PALM2AKAP2: variants seen among roughly 807,000 people sequenced by gnomAD.
PALM2AKAP2 encodes the protein PALM2 and AKAP2 fusion.
In PALM2AKAP2, 37 loss-of-function variants were observed where a neutral mutation model predicts 71.5. The observed-to-expected ratio is 0.52, with a 90% CI of 0.40 to 0.68. The LOEUF (loss-of-function observed/expected upper bound fraction) is 0.68, where lower values mean the gene tolerates loss of function less well. Among genes scored for constraint, PALM2AKAP2 ranks in the 30% least tolerant of loss-of-function variants. PALM2AKAP2 has a pLI of 0.00. For synonymous variants in PALM2AKAP2, 468 were observed against 478.8 expected, an observed-to-expected ratio of 0.98 and a Z score of 0.29; for missense variants, 1,224 against 1,191.8, an observed-to-expected ratio of 1.03 and a Z score of -0.40.
chr9:109,834,077 G>A (rs1204585047), intron 1 of PALM2AKAP2, among the ~76,000 whole-genome samples: 2 of 152,200 alleles, frequency 1.3e-5, no homozygotes, highest in Non-Finnish European at 2.9e-5. Context: ...GCAGGACATA[G>A]TGGCATGCAC....
At chr9:110,164,528 C>CTT (rs35588802) in intron 3 of PALM2AKAP2, among the ~76,000 whole-genome samples, 46 of 129,302 alleles carry the variant, frequency 3.6e-4, no homozygotes, top group African/African-American at 9.0e-4. Flanking sequence ...ATTTAGTTTA[C>CTT]TTTTTTTTTT....
At chr9:109,971,424 C>A (rs559694763) in intron 6 of PALM2AKAP2, among the ~76,000 whole-genome samples, 1 of 150,502 alleles carries the variant, frequency 6.6e-6, no homozygotes, top group South Asian at 2.1e-4. Context: ...TCAAGAAAGA[C>A]TTGAATTGCC....
intron 1 of PALM2AKAP2, among the ~76,000 whole-genome samples, chr9:109,838,231 A>G (rs1256421817): frequency 6.6e-6 from 1 of 152,234 alleles, no homozygotes; most frequent in Non-Finnish European, 1.5e-5. Context: ...ACTCACTCAA[A>G]ACTGCACAAC....
At chr9:109,703,984 T>A (rs993122659) in intron 1 of PALM2AKAP2, among the ~76,000 whole-genome samples, 1 of 152,198 alleles carries the variant, frequency 6.6e-6, no homozygotes, top group Non-Finnish European at 1.5e-5. Flanking sequence ...CAGTCCACAC[T>A]GGTCACTTTT....
At position 109,793,794 on chromosome 9, in the gene PALM2AKAP2, A is replaced by G. The variant is rs144413084; in HGVS notation, c.45+13261A>G. ...GAAAAAATTCAAAAAAGGATCTTTT[A>G]TGACTCATGAGATTTGTATGAAATT... On this transcript the variant is annotated intron_variant, in intron 1 of 9. Coordinates refer to the PALM2AKAP2 transcript ENST00000302798. Among the ~76,000 whole-genome samples the G allele has an allele frequency of 5.7e-3, 870 of 152,358 alleles. 8 individuals are homozygous for G. Among genetic ancestry groups the G allele is most frequent in the African/African-American group, 0.02 (823 of 41,584 alleles).
At chr9:110,084,892 C>G (rs570851801) in intron 1 of PALM2AKAP2, among the ~76,000 whole-genome samples, 1 of 149,104 alleles carries the variant, frequency 6.7e-6, no homozygotes, top group African/African-American at 2.4e-5. Flanking sequence ...TGTGCCACCA[C>G]GCCCAGCTGA....
intron 1 of PALM2AKAP2, among the ~76,000 whole-genome samples, chr9:110,128,173 C>T (rs1437881737): frequency 6.6e-6 from 1 of 152,222 alleles, no homozygotes; most frequent in Non-Finnish European, 1.5e-5. Context: ...TTCTGGGCAT[C>T]ATCCACCAGC....
At position 109,704,695 on chromosome 9, in the gene PALM2AKAP2, C is replaced by T. The variant is rs1341099913; in HGVS notation, c.5+63829C>T. Among the ~76,000 whole-genome samples, 5 of 152,168 alleles carry T rather than the reference C, an allele frequency of 3.3e-5. No homozygotes were observed. The East Asian group carries it at 9.6e-4, about 29-fold the overall frequency. On this transcript the variant is annotated intron_variant, in intron 1 of 6. Coordinates refer to the PALM2AKAP2 transcript ENST00000374531. ...TTTCACATGCGTGATAATCTTCAAACCCAGCTCTGCCACCATCTACCTTCC... is the reference window on the plus strand; with the variant it reads ...TTTCACATGCGTGATAATCTTCAAATCCAGCTCTGCCACCATCTACCTTCC...
intron 1 of PALM2AKAP2, among the ~76,000 whole-genome samples, chr9:110,120,164 T>G (rs1392302181): frequency 1.3e-5 from 2 of 152,192 alleles, no homozygotes; most frequent in African/African-American, 4.8e-5. Flanking sequence ...AGACTACACA[T>G]TTTCATCACC....
At chr9:109,851,190 A>G (rs1156492378) in intron 1 of PALM2AKAP2, among the ~76,000 whole-genome samples, 1 of 45,268 alleles carries the variant, frequency 2.2e-5, no homozygotes, top group Admixed American at 3.0e-4. Context: ...AACAACAACA[A>G]CAACAACAAC....
intron 1 of PALM2AKAP2, among the ~76,000 whole-genome samples, chr9:110,059,994 A>G (rs905878928): frequency 6.6e-6 from 1 of 152,236 alleles, no homozygotes; most frequent in African/African-American, 2.4e-5. Context: ...AGGTACATAA[A>G]TGAGAGGAAG....
intron 7 of PALM2AKAP2, among the ~76,000 whole-genome samples, chr9:110,035,669 GTGTGT>G (rs1564271719): frequency 8.9e-6 from 1 of 112,034 alleles, no homozygotes; most frequent in Non-Finnish European, 1.7e-5. Flanking sequence ...AGGATATGTT[GTGTGT>G]TATATATAAC....
At chr9:109,929,169 G>GT (rs35064231) in intron 5 of PALM2AKAP2, among the ~76,000 whole-genome samples, 3,061 of 137,414 alleles carry the variant, frequency 0.022, 75 homozygotes, top group African/African-American at 0.043. Flanking sequence ...TCTGTAAGTA[G>GT]TTTTTTTTTT....
intron 1 of PALM2AKAP2, among the ~76,000 whole-genome samples, chr9:109,782,946 T>G (rs1425773427): frequency 6.6e-6 from 1 of 152,086 alleles, no homozygotes. Flanking sequence ...CAGGGGACCC[T>G]GAGGAGATCA....
At chr9:109,934,823 T>C (rs1240034265) in intron 6 of PALM2AKAP2, among the ~76,000 whole-genome samples, 1 of 152,266 alleles carries the variant, frequency 6.6e-6, no homozygotes, top group Non-Finnish European at 1.5e-5. Flanking sequence ...GCTATACATA[T>C]ACTACTTCAC....
intron 3 of PALM2AKAP2, among the ~76,000 whole-genome samples, chr9:109,898,624 A>G: frequency 6.6e-6 from 1 of 152,238 alleles, no homozygotes; most frequent in Non-Finnish European, 1.5e-5. Flanking sequence ...TCGATAAAAA[A>G]CAAGTCTCTA....
At chr9:110,057,827 A>G (rs1383872755) in intron 1 of PALM2AKAP2, among the ~76,000 whole-genome samples, 1 of 152,204 alleles carries the variant, frequency 6.6e-6, no homozygotes. Flanking sequence ...TCTGCATTTT[A>G]GCAAAATCCC....
chr9:110,027,743 A>G (rs1445458200), intron 7 of PALM2AKAP2, among the ~76,000 whole-genome samples: 1 of 152,218 alleles, frequency 6.6e-6, no homozygotes, highest in East Asian at 1.9e-4. Flanking sequence ...ACAAAAGAGG[A>G]AAAGCATTTA....
chr9:110,157,980 G>A (rs577458800), intron 3 of PALM2AKAP2, among the ~76,000 whole-genome samples: 7 of 152,180 alleles, frequency 4.6e-5, no homozygotes, highest in African/African-American at 9.7e-5. Flanking sequence ...CCTGAACTGC[G>A]TGGAGCACTG....
Sources: gnomAD v4.1 joint callset for allele counts (sites outside exome capture counted in the v4.1 genomes callset) on GRCh38, gnomAD v4.1.1 for gene constraint, MANE v1.5 for transcripts, NCBI Gene and HGNC (gene_info 2026-07-23, HGNC 2026-07-21) for gene names.